The following CPB1 variants were observed in gnomAD, a reference collection of about 807,000 sequenced individuals.
CPB1 encodes the protein carboxypeptidase B1.
In CPB1, 53 loss-of-function variants were observed where a neutral mutation model predicts 51.4. The ratio of observed to expected loss-of-function variants is 1.03; its 90% confidence interval spans 0.83 to 1.30. The LOEUF (loss-of-function observed/expected upper bound fraction) is 1.30. Among genes scored for constraint, CPB1 ranks in the 50% most tolerant of loss-of-function variants. The probability of loss-of-function intolerance (pLI) is 0.00; values close to 1 mark genes in which losing one functional copy is unlikely to be tolerated. For synonymous variants in CPB1, 189 were observed against 186.9 expected (o/e 1.01, Z -0.09); for missense variants, 494 against 516.2 (o/e 0.96, Z 0.42).
At chr3:148,842,444 C>T (rs1291931684) in intron 6 of CPB1, among the ~76,000 whole-genome samples, 1 of 152,024 alleles carries the variant, frequency 6.6e-6, no homozygotes, top group Non-Finnish European at 1.5e-5. Flanking sequence ...GTTTTTCATT[C>T]CTTATCATTC....
At chr3:148,833,125 A>G (rs868859673) in intron 2 of CPB1, among the ~76,000 whole-genome samples, 11 of 152,098 alleles carry the variant, frequency 7.2e-5, no homozygotes, top group Non-Finnish European at 1.5e-4. Flanking sequence ...CTCTGTCCTT[A>G]TCTTAGCATG....
At chr3:148,834,474 C>G in intron 2 of CPB1, 24 bp from the exon 3 acceptor site, 1 of 1,607,156 alleles carries the variant, frequency 6.2e-7, no homozygotes, top group African/African-American at 1.3e-5. Context: ...TATAGGTATC[C>G]AATATATCTT....
At chr3:148,853,596 A>G (rs2108020935) in intron 9 of CPB1, among the ~76,000 whole-genome samples, 1 of 152,360 alleles carries the variant, frequency 6.6e-6, no homozygotes, top group East Asian at 1.9e-4. Context: ...ATAGCTAAGG[A>G]TTAATAAAGG....
chr3:148,844,653 C>T, intron 7 of CPB1, 24 bp from the exon 8 acceptor site: 1 of 1,613,040 alleles, frequency 6.2e-7, no homozygotes, highest in Non-Finnish European at 8.5e-7. Flanking sequence ...TTATATTTGT[C>T]CTAACTATGT....
chr3:148,858,731 A>G (rs1494175), intron 10 of CPB1, among the ~76,000 whole-genome samples: 100,700 of 151,966 alleles, frequency 0.66, 33,804 homozygotes, highest in African/African-American at 0.78. Flanking sequence ...GGCTAGACCC[A>G]AGAGCTGTGG....
intron 2 of CPB1, among the ~76,000 whole-genome samples, chr3:148,834,153 A>G (rs1441296133): frequency 6.6e-6 from 1 of 152,208 alleles, no homozygotes; most frequent in Non-Finnish European, 1.5e-5. Context: ...TGGCACATAG[A>G]TCCATTACCA....
At chr3:148,852,958 C>T (rs147248582) in intron 9 of CPB1, among the ~76,000 whole-genome samples, 14 of 152,222 alleles carry the variant, frequency 9.2e-5, no homozygotes, top group African/African-American at 2.9e-4. Context: ...AATGCTTTCT[C>T]CTTGGTTCCT....
At chr3:148,834,130 T>C (rs577027914) in intron 2 of CPB1, among the ~76,000 whole-genome samples, 4 of 152,200 alleles carry the variant, frequency 2.6e-5, no homozygotes, top group Non-Finnish European at 5.9e-5. Flanking sequence ...TTCTAGTTAA[T>C]TCATCATTCA....
intron 9 of CPB1, among the ~76,000 whole-genome samples, chr3:148,847,571 T>C (rs937424326): frequency 2.6e-5 from 4 of 152,050 alleles, no homozygotes; most frequent in Non-Finnish European, 5.9e-5. Context: ...TACTCTTCCC[T>C]AAGAGTCACT....
At chr3:148,846,143 A>G (rs1398220792) in intron 9 of CPB1, among the ~76,000 whole-genome samples, 1 of 152,206 alleles carries the variant, frequency 6.6e-6, no homozygotes, top group Non-Finnish European at 1.5e-5. Context: ...AAGTAAATCA[A>G]TCAATGAACA....
At chr3:148,845,693 A>C in intron 9 of CPB1, 67 bp downstream of exon 9, 1 of 1,310,950 alleles carries the variant, frequency 7.6e-7, no homozygotes, top group East Asian at 2.4e-5. Flanking sequence ...TCCTGAAAAA[A>C]AAATCATTAT....
At chr3:148,850,286 T>TG (rs1553767544) in intron 9 of CPB1, among the ~76,000 whole-genome samples, 16 of 151,938 alleles carry the variant, frequency 1.1e-4, no homozygotes, top group South Asian at 6.2e-4. Context: ...TTGAAGTTTT[T>TG]TTTGTTTGTT....
At chr3:148,844,117 T>C (rs1297368931) in intron 6 of CPB1, among the ~76,000 whole-genome samples, 1 of 152,184 alleles carries the variant, frequency 6.6e-6, no homozygotes, top group Non-Finnish European at 1.5e-5. Flanking sequence ...TATACCTTAC[T>C]TACACTTATA....
intron 6 of CPB1, among the ~76,000 whole-genome samples, chr3:148,843,084 C>A (rs1381747483): frequency 6.6e-6 from 1 of 151,978 alleles, no homozygotes; most frequent in Non-Finnish European, 1.5e-5. Flanking sequence ...GAGAAGACTA[C>A]GGAGACGTGA....
At position 148,841,827 on chromosome 3, in the gene CPB1, G is replaced by A. The variant is rs764839771; in HGVS notation, c.479G>A (p.Gly160Asp). 2 of 1,613,448 alleles carry A rather than the reference G, an allele frequency of 1.2e-6. No individual in the cohort carries two copies. Among genetic ancestry groups the A allele is most frequent in the Non-Finnish European group, 1.7e-6 (2 of 1,179,518 alleles). The change falls in exon 6 of 11, where the codon GGC (glycine) becomes GAC (aspartate). Residue 160 changes from glycine (G) to aspartate (D), a missense_variant. Physicochemically the swap from Gly to Asp is moderately conservative, Grantham distance 94. Coordinates refer to ENST00000282957, the MANE Select transcript of CPB1 (RefSeq NM_001871.3). ...EGRAIYLLKV[G>D]KAGQNKPAIF... ...TTTTCCTTTTGTTTGCAATAGGTTG[G>A]CAAAGCTGGACAAAATAAGCCTGCC...
intron 9 of CPB1, among the ~76,000 whole-genome samples, chr3:148,845,884 C>T (rs895532593): frequency 5.9e-5 from 9 of 152,136 alleles, no homozygotes; most frequent in African/African-American, 2.2e-4. Flanking sequence ...TTTCCTCTGG[C>T]TTCACCACAA....
Position 148,845,563 on chromosome 3 carries a change from C to T in CPB1, c.918C>T (p.Tyr306=). 1 of 1,613,926 alleles carries T rather than the reference C, an allele frequency of 6.2e-7. No homozygotes were observed. Among genetic ancestry groups the T allele is most frequent in the South Asian group, 1.1e-5 (1 of 91,080 alleles). ...AGGCATATCTGACAATCCACTCGTA[C>T]TCCCAAATGATGATCTACCCTTACT... ...SIKAYLTIHS[Y]SQMMIYPYSY... The change falls in exon 9 of 11, where the codon TAC becomes TAT. Residue 306 remains tyrosine, a synonymous_variant. Coordinates refer to ENST00000282957, the MANE Select transcript of CPB1 (RefSeq NM_001871.3).
At chr3:148,841,387 AC>A (rs1713076030) in intron 5 of CPB1, among the ~76,000 whole-genome samples, 2 of 152,206 alleles carry the variant, frequency 1.3e-5, no homozygotes, top group Admixed American at 1.3e-4. Flanking sequence ...CATTTTTGTC[AC>A]GTAATTCTAA....
chr3:148,837,979 T>C (rs1712954861), intron 3 of CPB1, among the ~76,000 whole-genome samples: 3 of 152,244 alleles, frequency 2.0e-5, no homozygotes, highest in Admixed American at 2.0e-4. Flanking sequence ...CCAGGCGAGG[T>C]GGCTCACACC....
Sources: allele counts gnomAD v4.1 joint callset (sites outside exome capture counted in the v4.1 genomes callset), GRCh38; gene constraint gnomAD v4.1.1; transcripts MANE v1.5; gene names NCBI Gene and HGNC (gene_info 2026-07-23, HGNC 2026-07-21).